Variants in CRYL1 observed in about 807,000 individuals in gnomAD.
The protein encoded by CRYL1 is crystallin lambda 1, also known as lambda-crystallin homolog.
A neutral mutation model predicts 36.6 loss-of-function variants in CRYL1; 29 were observed. That is an observed-to-expected ratio of 0.79 (90% CI 0.59 to 1.08). The LOEUF is 1.08. CRYL1 is among the 50% of genes least tolerant of loss of function. CRYL1 has a pLI of 0.00. For missense variants in CRYL1, 411 were observed against 407.9 expected (o/e 1.01, Z -0.06); for synonymous variants, 152 against 151.5 (o/e 1.00, Z -0.02).
intron 6 of CRYL1, among the ~76,000 whole-genome samples, chr13:20,409,313 C>CT (rs2031458320): frequency 6.6e-6 from 1 of 151,066 alleles, no homozygotes. Context: ...AAAGCTGAAA[C>CT]TGGATCCCTT....
Position 20,495,393 on chromosome 13 carries a change from A to C in CRYL1, c.150-5897T>G, listed in dbSNP as rs147461684. ...AAATTTTTACTTAAAATTAGAGAAA[A>C]GGAAATGTTAACAATTCTCACGGTA... On this transcript the variant is annotated intron_variant, in intron 2 of 7. Transcript: ENST00000298248. Among the ~76,000 whole-genome samples, 1,202 of 152,310 alleles carry C rather than the reference A, an allele frequency of 7.9e-3. 13 individuals carry two copies. Among genetic ancestry groups the C allele is most frequent in the African/African-American group, 0.027 (1,139 of 41,564 alleles).
chr13:20,453,512 TG>T (rs909497695), intron 3 of CRYL1, among the ~76,000 whole-genome samples: 16 of 145,150 alleles, frequency 1.1e-4, no homozygotes, highest in African/African-American at 4.0e-4. Context: ...ACTAAAGCAA[TG>T]CTGAGAGGAA....
At chr13:20,516,006 A>G (rs2137515155) in intron 1 of CRYL1, among the ~76,000 whole-genome samples, 1 of 152,252 alleles carries the variant, frequency 6.6e-6, no homozygotes, top group South Asian at 2.1e-4. Context: ...AGCCTGGCCA[A>G]CATGGGGAAA....
chr13:20,491,563 G>C (rs181098930), intron 2 of CRYL1, among the ~76,000 whole-genome samples: 1 of 152,328 alleles, frequency 6.6e-6, no homozygotes. Flanking sequence ...GGCCAAGGCA[G>C]GCGGGTCACT....
intron 7 of CRYL1, 75 bp downstream of exon 7, chr13:20,404,560 G>C (rs1423411173): frequency 1.3e-5 from 12 of 935,060 alleles, no homozygotes; most frequent in Non-Finnish European, 1.9e-5. Flanking sequence ...CCCACCCGCT[G>C]CAGAGGTGAG....
chr13:20,416,691 T>A (rs73441779), intron 5 of CRYL1, among the ~76,000 whole-genome samples: 3,605 of 152,336 alleles, frequency 0.024, 120 homozygotes, highest in African/African-American at 0.081. Context: ...TTTAGAATCG[T>A]ATTTAGTATT....
At chr13:20,404,946 C>T (rs1297381485) in intron 6 of CRYL1, among the ~76,000 whole-genome samples, 2 of 152,162 alleles carry the variant, frequency 1.3e-5, no homozygotes, top group Non-Finnish European at 2.9e-5. Flanking sequence ...GCACTGTCCA[C>T]GCTGGCTCCT....
rs537546443 is a variant in CRYL1 at position 20,476,434 on chromosome 13, C to A, written c.276+12936G>T. On this transcript the variant is annotated intron_variant, in intron 3 of 7. Coordinates refer to ENST00000298248, the MANE Select transcript of CRYL1 (RefSeq NM_015974.3). ...AGGGACTGATACAGGTCAACCAGAC[C>A]CATAAGAGGTGAAAGGCCGCCCCTT... Among the ~76,000 whole-genome samples, 170 of 152,128 alleles carry A rather than the reference C, an allele frequency of 1.1e-3. 2 individuals are homozygous for A. In the South Asian group the frequency reaches 0.032, roughly 28 times the overall value.
intron 4 of CRYL1, 68 bp downstream of exon 4, chr13:20,439,525 A>G (rs2032306288): frequency 8.6e-5 from 93 of 1,076,184 alleles, no homozygotes; most frequent in Middle Eastern, 2.3e-4. Flanking sequence ...AAAAAAAAAA[A>G]AAAAAGAAAA....
In CRYL1 at chr13:20,467,693, C is replaced by T. The variant is rs796770210; in HGVS notation, c.276+21677G>A. ...AAAATTAGCCGGGCGTGGTGGCACG[C>T]GCCTGTTGTCCCAGCTGCTCGGGAT... On this transcript the variant is annotated intron_variant, in intron 3 of 7. Coordinates refer to ENST00000298248, the MANE Select transcript of CRYL1 (RefSeq NM_015974.3). Among the ~76,000 whole-genome samples the T allele has an allele frequency of 2.6e-5, 4 of 152,252 alleles. No individual in the cohort carries two copies. In the South Asian group the frequency reaches 8.3e-4, roughly 32 times the overall value.
intron 5 of CRYL1, among the ~76,000 whole-genome samples, chr13:20,429,054 T>C (rs1056356969): frequency 1.6e-4 from 25 of 152,292 alleles, no homozygotes; most frequent in African/African-American, 5.5e-4. Flanking sequence ...TGAGTCCTAG[T>C]TGCCCCCCGA....
chr13:20,482,103 T>C (rs1259163015), intron 3 of CRYL1, among the ~76,000 whole-genome samples: 1 of 151,180 alleles, frequency 6.6e-6, no homozygotes, highest in Non-Finnish European at 1.5e-5. Flanking sequence ...CCAACAATCC[T>C]TTAAGAAAAC....
intron 4 of CRYL1, among the ~76,000 whole-genome samples, chr13:20,436,487 G>A (rs1293667274): frequency 2.0e-5 from 3 of 152,156 alleles, no homozygotes; most frequent in East Asian, 3.9e-4. Flanking sequence ...TGGGAATTCG[G>A]GAGTCACTGC....
At chr13:20,434,856 T>C (rs12428772) in intron 4 of CRYL1, among the ~76,000 whole-genome samples, 15,146 of 151,008 alleles carry the variant, frequency 0.1, 1,268 homozygotes, top group African/African-American at 0.2. Context: ...TTACTTCTCT[T>C]TACTCTTCTC....
At chr13:20,405,552 G>A (rs1045126355) in intron 6 of CRYL1, among the ~76,000 whole-genome samples, 2 of 152,186 alleles carry the variant, frequency 1.3e-5, no homozygotes, top group Non-Finnish European at 1.5e-5. Context: ...TATTGGGTAC[G>A]GTCAAGGCTG....
intron 3 of CRYL1, among the ~76,000 whole-genome samples, chr13:20,458,158 A>G (rs1201080711): frequency 6.6e-6 from 1 of 152,230 alleles, no homozygotes; most frequent in Admixed American, 6.5e-5. Flanking sequence ...CTGAAATTGG[A>G]AGATGTCTTA....
At chr13:20,410,388 TG>T (rs2031487560) in intron 6 of CRYL1, among the ~76,000 whole-genome samples, 3 of 68,526 alleles carry the variant, frequency 4.4e-5, no homozygotes, top group Admixed American at 3.9e-4. Context: ...TGTAGTGGGG[TG>T]GGGGGAGGGG....
At chr13:20,426,191 G>A (rs2137381596) in intron 5 of CRYL1, among the ~76,000 whole-genome samples, 1 of 151,908 alleles carries the variant, frequency 6.6e-6, no homozygotes, top group Non-Finnish European at 1.5e-5. Flanking sequence ...ATTTGCAAGA[G>A]CGATTCTCAT....
chr13:20,450,042 T>C (rs1224615674), intron 3 of CRYL1, among the ~76,000 whole-genome samples: 2 of 152,182 alleles, frequency 1.3e-5, no homozygotes, highest in African/African-American at 4.8e-5. Flanking sequence ...GATTCAATGC[T>C]ATCCCTACCA....
Sources: gnomAD v4.1 joint callset for allele counts (sites outside exome capture counted in the v4.1 genomes callset) on GRCh38, gnomAD v4.1.1 for gene constraint, MANE v1.5 for transcripts, NCBI Gene and HGNC (gene_info 2026-07-23, HGNC 2026-07-21) for gene names.